SMYD3: variants seen among roughly 807,000 people sequenced by gnomAD.
SMYD3 encodes the protein SET and MYND domain containing 3, also known as histone-lysine N-methyltransferase SMYD3.
A neutral mutation model predicts 57.7 loss-of-function variants in SMYD3; 36 were observed. That is an observed-to-expected ratio of 0.62 (90% CI 0.48 to 0.82). SMYD3 has a LOEUF of 0.82. SMYD3 is among the 40% of genes least tolerant of loss of function. SMYD3 has a pLI of 0.00. For missense variants in SMYD3, 515 were observed against 538.8 expected, an observed-to-expected ratio of 0.96 and a Z score of 0.44; for synonymous variants, 211 against 195.0, an observed-to-expected ratio of 1.08 and a Z score of -0.68.
intron 1 of SMYD3, among the ~76,000 whole-genome samples, chr1:246,380,951 T>C (rs563249377): frequency 3.9e-5 from 6 of 152,274 alleles, no homozygotes; most frequent in African/African-American, 1.2e-4. Flanking sequence ...AGGTGTCAGA[T>C]GGATGCTCAA....
intron 5 of SMYD3, among the ~76,000 whole-genome samples, chr1:246,295,759 G>A (rs1430964745): frequency 6.6e-6 from 1 of 152,134 alleles, no homozygotes; most frequent in African/African-American, 2.4e-5. Context: ...TTTTGACCTT[G>A]ACACCAGTAC....
At chr1:246,437,093 T>G in intron 1 of SMYD3, among the ~76,000 whole-genome samples, 1 of 152,090 alleles carries the variant, frequency 6.6e-6, no homozygotes, top group East Asian at 1.9e-4. Flanking sequence ...GAGACAAGGT[T>G]TCACCACGTT....
chr1:245,786,690 C>G (rs74411429), intron 10 of SMYD3, among the ~76,000 whole-genome samples: 1 of 150,394 alleles, frequency 6.6e-6, no homozygotes, highest in African/African-American at 2.5e-5. Flanking sequence ...GGAGTTCACA[C>G]GTGAAGCCTA....
intron 5 of SMYD3, among the ~76,000 whole-genome samples, chr1:245,945,737 T>TA (rs1234279367): frequency 1.3e-5 from 2 of 152,032 alleles, no homozygotes; most frequent in South Asian, 2.1e-4. Flanking sequence ...ATAGACTGGA[T>TA]AAAAAAATCA....
chr1:246,331,469 T>C (rs1171910184), intron 3 of SMYD3, among the ~76,000 whole-genome samples: 3 of 152,180 alleles, frequency 2.0e-5, no homozygotes, highest in Non-Finnish European at 4.4e-5. Context: ...ACCTCAGAGA[T>C]AGAACCTCCT....
intron 1 of SMYD3, among the ~76,000 whole-genome samples, chr1:246,407,571 G>T (rs112345345): frequency 0.017 from 2,611 of 152,274 alleles, 72 homozygotes; most frequent in African/African-American, 0.06. Context: ...GCCAGACATG[G>T]TGGCTCGTGC....
chr1:246,041,462 A>G (rs1358018069), intron 5 of SMYD3, among the ~76,000 whole-genome samples: 1 of 152,222 alleles, frequency 6.6e-6, no homozygotes, highest in East Asian at 1.9e-4. Flanking sequence ...GAAGTTTCTA[A>G]TAGTAAGTTT....
At chr1:246,288,148 A>C (rs1333772344) in intron 5 of SMYD3, among the ~76,000 whole-genome samples, 6 of 130,948 alleles carry the variant, frequency 4.6e-5, no homozygotes, top group Non-Finnish European at 9.2e-5. Flanking sequence ...ATCTCAGCTC[A>C]CTGCAACCTC....
intron 1 of SMYD3, among the ~76,000 whole-genome samples, chr1:246,381,926 GGT>G: frequency 6.9e-6 from 1 of 144,466 alleles, no homozygotes; most frequent in South Asian, 2.2e-4. Flanking sequence ...GCGGGCTCCA[GGT>G]CAGTTCCTGT....
At chr1:245,865,754 G>C (rs977411094) in intron 8 of SMYD3, among the ~76,000 whole-genome samples, 2 of 152,180 alleles carry the variant, frequency 1.3e-5, no homozygotes, top group African/African-American at 4.8e-5. Flanking sequence ...CACATTCCAA[G>C]AAGCTAACAG....
At chr1:246,090,613 G>C (rs2147885264) in intron 5 of SMYD3, among the ~76,000 whole-genome samples, 1 of 151,448 alleles carries the variant, frequency 6.6e-6, no homozygotes, top group Non-Finnish European at 1.5e-5. Context: ...CATCTCCCAG[G>C]TTCAAGTGGT....
At chr1:245,799,576 GCAAA>G (rs2047753998) in intron 10 of SMYD3, among the ~76,000 whole-genome samples, 1 of 152,238 alleles carries the variant, frequency 6.6e-6, no homozygotes, top group Admixed American at 6.5e-5. Flanking sequence ...GTGAGTTTAT[GCAAA>G]CAAACATTTT....
At chr1:245,778,865 T>C (rs1161222845) in intron 10 of SMYD3, among the ~76,000 whole-genome samples, 1 of 152,024 alleles carries the variant, frequency 6.6e-6, no homozygotes, top group Non-Finnish European at 1.5e-5. Context: ...AAAAGATACA[T>C]TTAAAAAATG....
At chr1:245,824,405 T>C (rs61104686) in intron 10 of SMYD3, among the ~76,000 whole-genome samples, 2,842 of 152,336 alleles carry the variant, frequency 0.019, 52 homozygotes, top group East Asian at 0.063. Flanking sequence ...CCAAGCCAAG[T>C]ACTAAGTAAT....
chr1:246,297,850 G>T (rs2064823058), intron 5 of SMYD3, among the ~76,000 whole-genome samples: 1 of 151,942 alleles, frequency 6.6e-6, no homozygotes, highest in Non-Finnish European at 1.5e-5. Context: ...ATTCATCCTT[G>T]TCTCATAGGA....
intron 5 of SMYD3, among the ~76,000 whole-genome samples, chr1:246,259,928 C>T (rs975228458): frequency 5.3e-5 from 8 of 152,322 alleles, no homozygotes; most frequent in Middle Eastern, 3.4e-3. Flanking sequence ...GGGGGATGCC[C>T]TAAACTCCAA....
chr1:245,798,667 CG>C (rs1011645793), intron 10 of SMYD3, among the ~76,000 whole-genome samples: 5 of 152,012 alleles, frequency 3.3e-5, no homozygotes, highest in African/African-American at 1.2e-4. Flanking sequence ...TGAACAGGAG[CG>C]GGGCAGCTAC....
At chr1:245,839,831 GA>G (rs796703946) in intron 10 of SMYD3, among the ~76,000 whole-genome samples, 11 of 142,534 alleles carry the variant, frequency 7.7e-5, no homozygotes, top group Middle Eastern at 3.6e-3. Context: ...AGTTCATTCA[GA>G]AAAAAAAAAC....
intron 5 of SMYD3, among the ~76,000 whole-genome samples, chr1:246,282,060 G>T (rs2064453817): frequency 6.6e-6 from 1 of 152,020 alleles, no homozygotes; most frequent in African/African-American, 2.4e-5. Context: ...CTGCAAGACG[G>T]GGACTATGTG....
Sources: gnomAD v4.1 joint callset for allele counts (sites outside exome capture counted in the v4.1 genomes callset) on GRCh38, gnomAD v4.1.1 for gene constraint, MANE v1.5 for transcripts, NCBI Gene and HGNC (gene_info 2026-07-23, HGNC 2026-07-21) for gene names.